Variants in CEP112 observed in about 807,000 individuals in gnomAD.
CEP112 encodes the protein centrosomal protein 112, also known as centrosomal protein of 112 kDa.
In CEP112, 127 loss-of-function variants were observed where a neutral mutation model predicts 153.0. The observed-to-expected ratio is 0.83, with a 90% CI of 0.72 to 0.96. The LOEUF is 0.96. Ranked by LOEUF, CEP112 falls within the 40% of genes least tolerant of loss-of-function variation. The pLI is 0.00. For missense variants in CEP112, 1,089 were observed against 1,101.2 expected (o/e 0.99, Z 0.16); for synonymous variants, 358 against 374.4 (o/e 0.96, Z 0.51).
chr17:66,149,456 G>A (rs1305393533), intron 4 of CEP112, among the ~76,000 whole-genome samples: 1 of 152,110 alleles, frequency 6.6e-6, no homozygotes, highest in African/African-American at 2.4e-5. Context: ...GAAGCCACCT[G>A]GTCCTGAGTT....
chr17:65,827,694 C>A (rs538251669), intron 21 of CEP112, among the ~76,000 whole-genome samples: 1 of 152,290 alleles, frequency 6.6e-6, no homozygotes, highest in Non-Finnish European at 1.5e-5. Context: ...CATGACCAGG[C>A]CTTGGAATGC....
intron 23 of CEP112, among the ~76,000 whole-genome samples, chr17:65,742,017 C>A (rs1273789572): frequency 2.0e-5 from 3 of 149,928 alleles, no homozygotes; most frequent in African/African-American, 7.4e-5. Flanking sequence ...AAAAAAAAGT[C>A]CTCAATGGTA....
chr17:65,902,746 A>C (rs1347323969), intron 19 of CEP112, among the ~76,000 whole-genome samples: 2 of 152,178 alleles, frequency 1.3e-5, no homozygotes, highest in African/African-American at 2.4e-5. Flanking sequence ...TTACAAATAA[A>C]AGATCGGAGC....
intron 21 of CEP112, among the ~76,000 whole-genome samples, chr17:65,818,135 A>C (rs1400725740): frequency 2.0e-5 from 3 of 151,810 alleles, no homozygotes; most frequent in Non-Finnish European, 4.4e-5. Flanking sequence ...TCTTGTAGCA[A>C]TTTACAAAGT....
At chr17:65,816,878 T>A (rs1251381753) in intron 21 of CEP112, among the ~76,000 whole-genome samples, 1 of 152,054 alleles carries the variant, frequency 6.6e-6, no homozygotes, top group Non-Finnish European at 1.5e-5. Flanking sequence ...CTTTCTTAAA[T>A]GTTTGGTAGA....
At chr17:65,784,826 C>G (rs1023587762) in intron 21 of CEP112, among the ~76,000 whole-genome samples, 1 of 152,090 alleles carries the variant, frequency 6.6e-6, no homozygotes, top group South Asian at 2.1e-4. Flanking sequence ...ATTCACATAT[C>G]ATAAAGTTCA....
In CEP112 at chr17:66,169,067, G is replaced by C. The variant is rs577947618; in HGVS notation, c.470+5977C>G. ...AACCCTGGGTGCATTTTTAAATAAGGTGCCTGATGATGGATTACTAGGATG... is the reference window on the plus strand; with the variant it reads ...AACCCTGGGTGCATTTTTAAATAAGCTGCCTGATGATGGATTACTAGGATG... On this transcript the variant is annotated intron_variant, in intron 4 of 26. Transcript: ENST00000535342. Among the ~76,000 whole-genome samples the C allele has an allele frequency of 3.9e-5, 6 of 152,122 alleles. No homozygotes were observed. The East Asian group carries it at 1.2e-3, about 29-fold the overall frequency.
chr17:65,857,013 A>C (rs1788920939), intron 20 of CEP112, among the ~76,000 whole-genome samples: 1 of 152,240 alleles, frequency 6.6e-6, no homozygotes, highest in African/African-American at 2.4e-5. Flanking sequence ...TATTGCAATG[A>C]AGTGAATACT....
chr17:65,985,520 C>A (rs2063376145), intron 17 of CEP112, among the ~76,000 whole-genome samples: 1 of 152,132 alleles, frequency 6.6e-6, no homozygotes. Flanking sequence ...TTACTATACA[C>A]TCCATGAACA....
chr17:65,749,648 T>C (rs1163147221), intron 22 of CEP112, among the ~76,000 whole-genome samples: 1 of 148,204 alleles, frequency 6.7e-6, no homozygotes, highest in African/African-American at 2.5e-5. Context: ...TTGTGTGATC[T>C]TATCTCTCTA....
intron 18 of CEP112, among the ~76,000 whole-genome samples, chr17:65,928,511 A>G (rs2061009328): frequency 6.6e-6 from 1 of 152,230 alleles, no homozygotes; most frequent in Admixed American, 6.5e-5. Flanking sequence ...AAAAGAGGAA[A>G]CCACCCAAAT....
chr17:66,034,661 GAA>G lies in CEP112; in HGVS notation c.1219-4640_1219-4639del, dbSNP rs568317478. ...CATAAAACTATTTTTATGAGAGAAA[GAA>G]AAAAAGAGATAAAACAGAAAGATAT... On this transcript the variant is annotated intron_variant, in intron 12 of 26. Coordinates refer to ENST00000535342, the MANE Select transcript of CEP112 (RefSeq NM_001199165.4). Among the ~76,000 whole-genome samples, 21 of 151,214 alleles carry G rather than the reference GAA, an allele frequency of 1.4e-4. 1 individual carries two copies. In the South Asian group the frequency reaches 4.0e-3, roughly 28 times the overall value.
intron 1 of CEP112, among the ~76,000 whole-genome samples, chr17:66,183,771 CA>C (rs925187231): frequency 1.5e-4 from 22 of 144,792 alleles, no homozygotes; most frequent in Admixed American, 3.4e-4. Context: ...TATCCATATA[CA>C]AAAAAAAAAG....
intron 23 of CEP112, among the ~76,000 whole-genome samples, chr17:65,733,464 C>T (rs1183177437): frequency 6.6e-6 from 1 of 152,118 alleles, no homozygotes; most frequent in African/African-American, 2.4e-5. Context: ...AGAGTTGCCA[C>T]AAACCTTGAA....
intron 20 of CEP112, among the ~76,000 whole-genome samples, chr17:65,880,656 T>C (rs2059027525): frequency 6.6e-6 from 1 of 152,198 alleles, no homozygotes; most frequent in Non-Finnish European, 1.5e-5. Context: ...GATTTAGAGT[T>C]AGAACATAAC....
At chr17:65,686,989 G>A (rs1232632933) in intron 24 of CEP112, among the ~76,000 whole-genome samples, 1 of 151,852 alleles carries the variant, frequency 6.6e-6, no homozygotes, top group Non-Finnish European at 1.5e-5. Context: ...CTACTGCTGT[G>A]TGATCTTGGA....
At chr17:65,864,055 C>T (rs982084683) in intron 20 of CEP112, among the ~76,000 whole-genome samples, 12 of 151,564 alleles carry the variant, frequency 7.9e-5, no homozygotes, top group Middle Eastern at 6.8e-3. Flanking sequence ...GCAGGAGAAT[C>T]GCTTGAACCC....
chr17:66,061,776 A>C (rs947020719), intron 11 of CEP112, among the ~76,000 whole-genome samples: 4 of 152,136 alleles, frequency 2.6e-5, no homozygotes, highest in African/African-American at 9.7e-5. Context: ...CGATTACAAG[A>C]AGCAGGGGAG....
At chr17:65,961,017 A>AC in intron 18 of CEP112, among the ~76,000 whole-genome samples, 1 of 152,116 alleles carries the variant, frequency 6.6e-6, no homozygotes, top group East Asian at 1.9e-4. Context: ...ACTAAAAAAA[A>AC]AAAAACTACC....
Sources: gnomAD v4.1 joint callset for allele counts (sites outside exome capture counted in the v4.1 genomes callset) on GRCh38, gnomAD v4.1.1 for gene constraint, MANE v1.5 for transcripts, NCBI Gene and HGNC (gene_info 2026-07-23, HGNC 2026-07-21) for gene names.